The following UGT2A1 variants were observed in gnomAD, a reference collection of about 807,000 sequenced individuals.
UGT2A1 encodes UDP-glucuronosyltransferase 2A1.
In UGT2A1, 61 loss-of-function variants were observed where a neutral mutation model predicts 45.4. The ratio of observed to expected loss-of-function variants is 1.34; its 90% CI spans 1.09 to 1.66. The LOEUF (loss-of-function observed/expected upper bound fraction) is 1.66, where lower values mean the gene tolerates loss of function less well. Ranked by LOEUF, UGT2A1 falls within the 40% of genes most tolerant of loss-of-function variation. UGT2A1 has a pLI of 0.00. For synonymous variants in UGT2A1, 229 were observed against 196.2 expected, an observed-to-expected ratio of 1.17 and a Z score of -1.40; for missense variants, 649 against 574.3, an observed-to-expected ratio of 1.13 and a Z score of -1.33.
chr4:69,611,208 C>T (rs138507009), intron 3 of UGT2A1, among the ~76,000 whole-genome samples: 8 of 151,424 alleles, frequency 5.3e-5, no homozygotes, highest in African/African-American at 1.9e-4. Flanking sequence ...TGCAGTGGCA[C>T]CAACACAGCT....
chr4:69,589,584 C>T lies in UGT2A1; in HGVS notation c.1372G>A (p.Ala458Thr). 6.2e-7 allele frequency: 1 copy of T among 1,614,014 alleles called. No homozygotes were observed. The highest frequency in any genetic ancestry group is 8.5e-7 in the Non-Finnish European group (1 of 1,179,916). The change falls in exon 7 of 7, where the codon GCA (alanine) becomes ACA (threonine). Residue 458 changes from alanine to threonine, a missense_variant. Coordinates refer to ENST00000286604, the MANE Select transcript of UGT2A1 (RefSeq NM_001252275.3). ...HDQPVKPLDR[A>T]VFWIEFVMRH... ...ATGACAAACTCGATCCAGAAGACTGCTCGATCCAGGGGCTTTACAGGTTGA... is the reference window on the plus strand; with the variant it reads ...ATGACAAACTCGATCCAGAAGACTGTTCGATCCAGGGGCTTTACAGGTTGA...
rs1578004889 is a variant in UGT2A1, at chr4:69,641,379, G to A, written c.715+5551C>T. 2.0e-5 allele frequency among the ~76,000 whole-genome samples: 3 copies of A among 151,876 alleles called. No individual in the cohort carries two copies. The East Asian group carries it at 5.8e-4, about 29-fold the overall frequency. Reference sequence around the variant, plus strand: ...TTGATAATCCTCATAGCAACATTTTGGTATGAAAGATTTTCTTTTCCACTG... The same window carrying A: ...TTGATAATCCTCATAGCAACATTTTAGTATGAAAGATTTTCTTTTCCACTG... On this transcript the variant is annotated intron_variant, in intron 2 of 6. Coordinates refer to ENST00000286604, the MANE Select transcript of UGT2A1 (RefSeq NM_001252275.3).
chr4:69,626,862 C>G (rs1721089317), intron 3 of UGT2A1, among the ~76,000 whole-genome samples: 1 of 151,706 alleles, frequency 6.6e-6, no homozygotes, highest in Admixed American at 6.6e-5. Context: ...ATTTTGGAAC[C>G]TTCTTCACAG....
In UGT2A1 at chr4:69,647,522, A is replaced by G. The variant is rs762451761; in HGVS notation, c.123T>C (p.Asp41=). 20 of 1,612,432 alleles carry G rather than the reference A, an allele frequency of 1.2e-5. No individual in the cohort carries two copies. Among genetic ancestry groups the G allele is most frequent in the Non-Finnish European group, 1.6e-5 (19 of 1,178,964 alleles). The part of the protein sequence containing the change: ...SHWLNVKIII[D]ELIKKEHNVT... ...CATTATGCTCCTTTTTAATGAGCTCATCTATAATTATCTTAACATTTAGCC... is the reference window on the plus strand; with the variant it reads ...CATTATGCTCCTTTTTAATGAGCTCGTCTATAATTATCTTAACATTTAGCC... The change falls in exon 2 of 7, where the codon GAT becomes GAC. Residue 41 remains aspartate, a synonymous_variant. Transcript: ENST00000286604.
At chr4:69,595,033 T>A in intron 5 of UGT2A1, 129 bp downstream of exon 5, 1 of 1,305,832 alleles carries the variant, frequency 7.7e-7, no homozygotes, top group South Asian at 1.3e-5. Flanking sequence ...TGTAATTATA[T>A]CTGCTTTAAA....
intron 3 of UGT2A1, among the ~76,000 whole-genome samples, chr4:69,606,145 C>T (rs1314595505): frequency 7.3e-6 from 1 of 136,144 alleles, no homozygotes; most frequent in African/African-American, 3.0e-5. Flanking sequence ...GACCAATATC[C>T]CTGATGAACA....
At chr4:69,616,217 C>T (rs147042724) in intron 3 of UGT2A1, among the ~76,000 whole-genome samples, 169 of 151,688 alleles carry the variant, frequency 1.1e-3, no homozygotes, top group Middle Eastern at 6.8e-3. Flanking sequence ...GAGATGGTTA[C>T]CAGAGGCTGG....
At chr4:69,590,119 T>C (rs546376793) in intron 6 of UGT2A1, among the ~76,000 whole-genome samples, 1 of 152,338 alleles carries the variant, frequency 6.6e-6, no homozygotes, top group South Asian at 2.1e-4. Context: ...TTCTAAGATG[T>C]AGGCATTGTG....
At chr4:69,614,541 T>A (rs1455743795) in intron 3 of UGT2A1, among the ~76,000 whole-genome samples, 1 of 151,984 alleles carries the variant, frequency 6.6e-6, no homozygotes, top group Non-Finnish European at 1.5e-5. Context: ...AGAACAAAGT[T>A]GGAGGAACTA....
intron 3 of UGT2A1, among the ~76,000 whole-genome samples, chr4:69,628,463 G>A (rs1419089054): frequency 6.6e-6 from 1 of 151,546 alleles, no homozygotes; most frequent in Non-Finnish European, 1.5e-5. Flanking sequence ...TGGTCAGCTG[G>A]TCTTTCAACA....
intron 3 of UGT2A1, among the ~76,000 whole-genome samples, chr4:69,600,805 C>A (rs528704369): frequency 3.9e-5 from 5 of 127,738 alleles, no homozygotes; most frequent in Non-Finnish European, 6.7e-5. Context: ...AGGTGCTATA[C>A]ACTTAAAAAA....
chr4:69,648,882 C>T (rs185123305), intron 1 of UGT2A1, among the ~76,000 whole-genome samples: 95 of 152,082 alleles, frequency 6.2e-4, no homozygotes, highest in Non-Finnish European at 1.1e-3. Flanking sequence ...ACTCCCACAG[C>T]CTATTGTATT....
In UGT2A1 at chr4:69,596,253, CT is replaced by C. The variant is rs753686602; in HGVS notation, c.997-1005del. On this transcript the variant is annotated intron_variant, in intron 4 of 6. Coordinates refer to ENST00000286604, the MANE Select transcript of UGT2A1 (RefSeq NM_001252275.3). Reference sequence around the variant, plus strand: ...CAGGATTCCAGGCTGTACTGACCTTCTGTGGAATCTGGGCAAGGGCTGAGGC... The same window carrying C: ...CAGGATTCCAGGCTGTACTGACCTTCGTGGAATCTGGGCAAGGGCTGAGGC... 3 of 1,576,530 alleles carry C rather than the reference CT, an allele frequency of 1.9e-6. No homozygotes were observed. The South Asian group carries it at 3.5e-5, about 19-fold the overall frequency.
At chr4:69,624,762 T>G (rs968237912) in intron 3 of UGT2A1, among the ~76,000 whole-genome samples, 4 of 151,446 alleles carry the variant, frequency 2.6e-5, no homozygotes, top group Non-Finnish European at 5.9e-5. Context: ...TTCTATGTAT[T>G]ACAACTTCAC....
chr4:69,594,782 A>C, intron 5 of UGT2A1, 86 bp from the exon 6 acceptor site: 1 of 1,443,522 alleles, frequency 6.9e-7, no homozygotes, highest in East Asian at 2.5e-5. Context: ...AAAAGCTGTA[A>C]TGTAACTCTC....
chr4:69,639,274 G>T lies in UGT2A1; in HGVS notation c.716-3452C>A, dbSNP rs766439104. 8 of 1,613,550 alleles carry T rather than the reference G, an allele frequency of 5.0e-6. No individual in the cohort carries two copies. In the Admixed American group the frequency reaches 8.3e-5, roughly 17 times the overall value. On this transcript the variant is annotated intron_variant, in intron 2 of 6. Transcript: ENST00000286604. ...TTAATTTGAAAGAAAGTGTCTAGAA[G>T]TTTTCCTAGTTCTTTGTAGAAAGCC...
intron 6 of UGT2A1, among the ~76,000 whole-genome samples, chr4:69,590,676 T>C (rs1288193501): frequency 6.6e-6 from 1 of 152,022 alleles, no homozygotes; most frequent in African/African-American, 2.4e-5. Context: ...TGTCTGTCTG[T>C]CTAGTGAAAA....
chr4:69,618,300 A>T (rs1321789793), intron 3 of UGT2A1, among the ~76,000 whole-genome samples: 1 of 150,878 alleles, frequency 6.6e-6, no homozygotes, highest in East Asian at 2.0e-4. Flanking sequence ...AGTTCTCTTA[A>T]AAATGTTTTT....
intron 1 of UGT2A1, among the ~76,000 whole-genome samples, chr4:69,650,617 A>G (rs1722475737): frequency 6.6e-6 from 1 of 152,122 alleles, no homozygotes; most frequent in Admixed American, 6.6e-5. Flanking sequence ...ATAAATTATT[A>G]TGTAATAATA....
Sources: gnomAD v4.1 joint callset for allele counts (sites outside exome capture counted in the v4.1 genomes callset) on GRCh38, gnomAD v4.1.1 for gene constraint, MANE v1.5 for transcripts, NCBI Gene and HGNC (gene_info 2026-07-23, HGNC 2026-07-21) for gene names.